ACTN2: variants seen among roughly 807,000 people sequenced by gnomAD.
ACTN2 encodes the protein actinin alpha 2, also known as alpha-actinin-2.
A neutral mutation model predicts 113.8 loss-of-function variants in ACTN2; 39 were observed. The ratio of observed to expected loss-of-function variants is 0.34; its 90% CI spans 0.27 to 0.45. ACTN2 has a LOEUF of 0.45. Among genes scored for constraint, ACTN2 ranks in the 20% least tolerant of loss-of-function variants. ACTN2 has a pLI of 1.00. For synonymous variants in ACTN2, 429 were observed against 444.1 expected, an observed-to-expected ratio of 0.97 and a Z score of 0.43; for missense variants, 992 against 1,177.9, an observed-to-expected ratio of 0.84 and a Z score of 2.31.
chr1:236,726,168 T>G, intron 5 of ACTN2, 148 bp downstream of exon 5: 1 of 745,844 alleles, frequency 1.3e-6, no homozygotes, highest in Non-Finnish European at 2.4e-6. Context: ...TTCTTGATGC[T>G]TAAAGTCTCC....
At chr1:236,757,193 A>G (rs1659574636) in intron 17 of ACTN2, among the ~76,000 whole-genome samples, 1 of 117,928 alleles carries the variant, frequency 8.5e-6, no homozygotes, top group African/African-American at 3.3e-5. Context: ...AACCCTGGTA[A>G]TAGAGTATAT....
Position 236,711,678 on chromosome 1 carries a change from T to C in ACTN2, c.127-6180T>C, listed in dbSNP as rs6697961. ...ACTACAAACATCTGTCTTTTCTTTCTGGGGATAGATGGTTTTGTGGCTTCC... is the reference window on the plus strand; with the variant it reads ...ACTACAAACATCTGTCTTTTCTTTCCGGGGATAGATGGTTTTGTGGCTTCC... On this transcript the variant is annotated intron_variant, in intron 1 of 20. Transcript: ENST00000366578. Among the ~76,000 whole-genome samples the C allele has an allele frequency of 4.1e-3, 618 of 152,298 alleles. 5 individuals are homozygous for C. Among genetic ancestry groups the C allele is most frequent in the African/African-American group, 0.014 (581 of 41,564 alleles).
At chr1:236,761,412 C>A (rs1433179278) in intron 20 of ACTN2, among the ~76,000 whole-genome samples, 5 of 145,192 alleles carry the variant, frequency 3.4e-5, no homozygotes, top group Non-Finnish European at 7.5e-5. Flanking sequence ...ATAGAAGGGA[C>A]AAGAGTGTAT....
chr1:236,762,494 C>T lies in ACTN2; in HGVS notation c.2560C>T (p.Leu854=), dbSNP rs370992948. ...YILAEELRRE[L]PPDQAQYCIK... is the part of the protein sequence containing the mutation. Reference sequence around the variant, plus strand: ...CCTGGCGGAGGAGCTGCGTCGGGAGCTGCCCCCGGATCAGGCCCAGTACTG... The same window carrying T: ...CCTGGCGGAGGAGCTGCGTCGGGAGTTGCCCCCGGATCAGGCCCAGTACTG... Residue 854 remains leucine, a synonymous_variant, in exon 21 of 21, where the codon CTG becomes TTG. Coordinates refer to ENST00000366578, the MANE Select transcript of ACTN2 (RefSeq NM_001103.4). 71 of 1,614,044 alleles carry T rather than the reference C, an allele frequency of 4.4e-5. No homozygotes were observed. Among genetic ancestry groups the T allele is most frequent in the Non-Finnish European group, 5.7e-5 (67 of 1,180,010 alleles).
At chr1:236,731,186 G>A (rs760420624) in intron 6 of ACTN2, 47 bp from the exon 7 acceptor site, 1 of 1,454,008 alleles carries the variant, frequency 6.9e-7, no homozygotes, top group African/African-American at 1.4e-5. Flanking sequence ...CATAAGTCTT[G>A]TTTCAAAATA....
intron 1 of ACTN2, among the ~76,000 whole-genome samples, chr1:236,687,770 T>G (rs970974774): frequency 1.3e-5 from 2 of 152,224 alleles, no homozygotes; most frequent in African/African-American, 4.8e-5. Context: ...GCGATAGTAT[T>G]TGGTGAATAG....
At chr1:236,708,655 A>G (rs922387982) in intron 1 of ACTN2, among the ~76,000 whole-genome samples, 2 of 152,144 alleles carry the variant, frequency 1.3e-5, no homozygotes, top group African/African-American at 4.8e-5. Context: ...ATTGGTTGAG[A>G]TGTTACTGCT....
intron 1 of ACTN2, among the ~76,000 whole-genome samples, chr1:236,709,308 GTATATATGTA>G (rs1657944166): frequency 1.1e-5 from 1 of 95,198 alleles, no homozygotes; most frequent in Admixed American, 1.2e-4. Flanking sequence ...GTATATATAC[GTATATATGTA>G]TATATATACA....
At chr1:236,760,052 C>T (rs891340961) in intron 19 of ACTN2, among the ~76,000 whole-genome samples, 1 of 152,156 alleles carries the variant, frequency 6.6e-6, no homozygotes, top group Non-Finnish European at 1.5e-5. Flanking sequence ...TTGAGACCAG[C>T]CTAACCAATA....
chr1:236,722,003 G>T lies in ACTN2; in HGVS notation c.448+1812G>T, dbSNP rs554311571. ...ATTTTGTAAAATTTTGCGATAAAAG[G>T]CTATATTAATCTGCTCTTCACAAGA... is the stretch of plus-strand genomic sequence containing the variant. On this transcript the variant is annotated intron_variant, in intron 4 of 20. Coordinates refer to ENST00000366578, the MANE Select transcript of ACTN2 (RefSeq NM_001103.4). Among the ~76,000 whole-genome samples, 4 of 152,030 alleles carry T rather than the reference G, an allele frequency of 2.6e-5. No homozygotes were observed. The South Asian group carries it at 6.3e-4, about 24-fold the overall frequency.
At chr1:236,757,265 C>A (rs1171654660) in intron 17 of ACTN2, among the ~76,000 whole-genome samples, 1 of 151,966 alleles carries the variant, frequency 6.6e-6, no homozygotes, top group East Asian at 1.9e-4. Flanking sequence ...TGCAGAGTGC[C>A]CGCTGCCACT....
In ACTN2 at chr1:236,754,206, T is replaced by A; in HGVS notation, c.1974+125T>A. On this transcript the variant is annotated intron_variant, in intron 16 of 20. Coordinates refer to ENST00000366578, the MANE Select transcript of ACTN2 (RefSeq NM_001103.4). The surrounding 1 kb of genome is among the most constrained non-coding windows in gnomAD (Gnocchi z 4.9). The stretch of plus-strand genomic sequence containing the variant: ...ACTCAGTCAGGTGGGAGCACCGTTC[T>A]GTTATCACCCCGGCTTTATCTTTCA... 1 of 1,286,166 alleles carries A rather than the reference T, an allele frequency of 7.8e-7. No homozygotes were observed. The highest frequency in any genetic ancestry group is 1.2e-5 in the South Asian group (1 of 82,118). The allele number at this position is 1,286,166 out of a possible 1,614,324, so 79.7% of individuals were successfully genotyped here.
chr1:236,706,756 G>A (rs1245546444), intron 1 of ACTN2, among the ~76,000 whole-genome samples: 1 of 152,158 alleles, frequency 6.6e-6, no homozygotes, highest in Non-Finnish European at 1.5e-5. Flanking sequence ...TGATACTGTT[G>A]AAGTTCCACT....
chr1:236,748,657 C>A (rs966445677), intron 13 of ACTN2, among the ~76,000 whole-genome samples: 3 of 152,140 alleles, frequency 2.0e-5, no homozygotes. Flanking sequence ...AGAGCATGAA[C>A]CTGCAGTTCC....
At position 236,751,637 on chromosome 1, in the gene ACTN2, G is replaced by T; in HGVS notation, c.1824G>T (p.Arg608=). 1.2e-6 allele frequency: 2 copies of T among 1,613,906 alleles called. No homozygotes were observed. The highest frequency in any genetic ancestry group is 2.2e-5 in the South Asian group (2 of 91,048). ...GCACTGTCACCATGGATGAGCTCCG[G>T]ACCAAGTGGGACAAGGTGGGTGGCT... The part of the protein sequence containing the change: ...PYSTVTMDEL[R]TKWDKVKQLV... The change falls in exon 15 of 21, where the codon CGG becomes CGT. Residue 608 remains arginine (R), a synonymous_variant. Transcript: ENST00000366578.
intron 12 of ACTN2, among the ~76,000 whole-genome samples, chr1:236,745,550 A>T (rs1659208749): frequency 6.6e-6 from 1 of 152,204 alleles, no homozygotes; most frequent in Non-Finnish European, 1.5e-5. Flanking sequence ...TTTCACTTTC[A>T]TGCGTTTGGT....
intron 1 of ACTN2, among the ~76,000 whole-genome samples, chr1:236,692,711 G>C (rs1666127925): frequency 1.3e-5 from 2 of 152,160 alleles, no homozygotes; most frequent in Non-Finnish European, 2.9e-5. Flanking sequence ...CATCCTATTT[G>C]GGACACCGTG....
In ACTN2 at chr1:236,749,423, G is replaced by A. The variant is rs112529745; in HGVS notation, c.1656+159G>A. The stretch of plus-strand genomic sequence containing the variant: ...TACCCTTGAACCTTAGCTTAAAAAT[G>A]TGTTTAGTACTCTGTGTTGCAAACC... On this transcript the variant is annotated intron_variant, in intron 14 of 20. Coordinates refer to ENST00000366578, the MANE Select transcript of ACTN2 (RefSeq NM_001103.4). Among the ~76,000 whole-genome samples, 4,355 of 152,274 alleles carry A rather than the reference G, an allele frequency of 0.029. 73 individuals carry two copies. The highest frequency in any genetic ancestry group is 0.04 in the Non-Finnish European group (2,747 of 68,018).
Position 236,744,795 on chromosome 1 carries a change from C to A in ACTN2, c.1406+19C>A, listed in dbSNP as rs755509475. The A allele has an allele frequency of 6.2e-7, 1 of 1,613,974 alleles. No homozygotes were observed. Among genetic ancestry groups the A allele is most frequent in the Non-Finnish European group, 8.5e-7 (1 of 1,179,986 alleles). Reference sequence around the variant, plus strand: ...AGCTCAAGTATGTGCAGATGCCCTCCGTCCTCCCGGGAGCCCCTGGGATTC... The same window carrying A: ...AGCTCAAGTATGTGCAGATGCCCTCAGTCCTCCCGGGAGCCCCTGGGATTC... On this transcript the variant is annotated intron_variant, in intron 12 of 20. Transcript: ENST00000366578.
Sources: gnomAD v4.1 joint callset for allele counts (sites outside exome capture counted in the v4.1 genomes callset) on GRCh38, gnomAD v4.1.1 for gene constraint, Gnocchi (gnomAD v3.1) non-coding constraint, MANE v1.5 for transcripts, NCBI Gene and HGNC (gene_info 2026-07-23, HGNC 2026-07-21) for gene names.